TET1: variants seen among roughly 807,000 people sequenced by gnomAD.
TET1 encodes the protein methylcytosine dioxygenase TET1.
TET1 carries 13 observed loss-of-function variants against 148.7 expected under a neutral mutation model. The ratio of observed to expected loss-of-function variants is 0.09; its 90% CI spans 0.06 to 0.14. The LOEUF (loss-of-function observed/expected upper bound fraction) is 0.14. Among genes scored for constraint, TET1 ranks in the 10% least tolerant of loss-of-function variants. TET1 has a pLI of 1.00. For synonymous variants in TET1, 907 were observed against 937.2 expected (o/e 0.97, Z 0.59); for missense variants, 2,182 against 2,553.8 (o/e 0.85, Z 3.14).
At chr10:68,669,046 G>A (rs1451593738) in intron 7 of TET1, among the ~76,000 whole-genome samples, 1 of 151,894 alleles carries the variant, frequency 6.6e-6, no homozygotes, top group Non-Finnish European at 1.5e-5. Flanking sequence ...CAAAGCAGGA[G>A]GATTTCTTGA....
chr10:68,595,928 A>ATG (rs2053974403), intron 2 of TET1, among the ~76,000 whole-genome samples: 1 of 22,116 alleles, frequency 4.5e-5, no homozygotes, highest in Non-Finnish European at 1.1e-4. Flanking sequence ...ACATATATAT[A>ATG]TATATATATA....
intron 3 of TET1, 92 bp downstream of exon 3, chr10:68,601,126 T>A: frequency 4.5e-6 from 5 of 1,112,294 alleles, no homozygotes; most frequent in Non-Finnish European, 6.5e-6. Context: ...ACAGTATATG[T>A]GAATTCTCCC....
At chr10:68,639,417 G>A (rs965546058) in intron 3 of TET1, among the ~76,000 whole-genome samples, 9 of 150,134 alleles carry the variant, frequency 6.0e-5, no homozygotes, top group Middle Eastern at 3.5e-3. Context: ...GCAAGACTCC[G>A]TCTCAAAGAT....
At chr10:68,600,515 G>T (rs1387655939) in intron 2 of TET1, among the ~76,000 whole-genome samples, 1 of 152,176 alleles carries the variant, frequency 6.6e-6, no homozygotes, top group Non-Finnish European at 1.5e-5. Flanking sequence ...GATCACTTTG[G>T]AGTTGCTAAG....
At chr10:68,649,124 T>C (rs553257665) in intron 4 of TET1, among the ~76,000 whole-genome samples, 2 of 152,332 alleles carry the variant, frequency 1.3e-5, no homozygotes, top group South Asian at 4.1e-4. Context: ...TTGCCTTGAC[T>C]TGTTATTTTC....
chr10:68,620,618 AG>A (rs1801009992), intron 3 of TET1, among the ~76,000 whole-genome samples: 3 of 152,186 alleles, frequency 2.0e-5, no homozygotes, highest in Admixed American at 2.0e-4. Flanking sequence ...ACTACTATGA[AG>A]AATCCTGCTA....
intron 6 of TET1, among the ~76,000 whole-genome samples, chr10:68,655,087 A>C (rs1023074370): frequency 2.0e-5 from 3 of 152,118 alleles, no homozygotes; most frequent in African/African-American, 7.2e-5. Flanking sequence ...TCAAGGTCAC[A>C]GTGTACTATG....
rs369024615 is a variant in TET1, at chr10:68,669,608, C to A, written c.4673+2352C>A. On this transcript the variant is annotated intron_variant, in intron 7 of 11. Transcript: ENST00000373644. ...TGACCTCGTGATTCGCCCACCTCGG[C>A]CTCCCAAAGTGCTGGGATTACAGGC... Among the ~76,000 whole-genome samples the A allele has an allele frequency of 5.2e-3, 788 of 151,420 alleles. 16 individuals are homozygous for A. The highest frequency in any genetic ancestry group is 0.018 in the African/African-American group (746 of 41,256).
chr10:68,628,439 C>T (rs1251386960), intron 3 of TET1, among the ~76,000 whole-genome samples: 2 of 152,164 alleles, frequency 1.3e-5, no homozygotes, highest in Non-Finnish European at 2.9e-5. Flanking sequence ...TATCAAAGTT[C>T]ATCCTTAGAT....
intron 1 of TET1, among the ~76,000 whole-genome samples, chr10:68,571,562 G>A (rs1036046074): frequency 6.6e-6 from 1 of 151,344 alleles, no homozygotes; most frequent in African/African-American, 2.4e-5. Context: ...CACTGCGCCT[G>A]GCAATTTTTG....
At chr10:68,619,237 TTC>T (rs1336707850) in intron 3 of TET1, among the ~76,000 whole-genome samples, 1 of 152,088 alleles carries the variant, frequency 6.6e-6, no homozygotes, top group African/African-American at 2.4e-5. Context: ...CCTTCCGTTA[TTC>T]TCTTTTTTTG....
In TET1 at chr10:68,646,399, G is replaced by C; in HGVS notation, c.3670G>C (p.Ala1224Pro). 1.2e-6 allele frequency: 2 copies of C among 1,614,062 alleles called. No individual in the cohort carries two copies. Among genetic ancestry groups the C allele is most frequent in the Admixed American group, 1.7e-5 (1 of 60,016 alleles). ...SSSTKIWKPL[A>P]QTRSIMQPKT... is the part of the protein sequence containing the mutation. ...CTCGACCAAAATATGGAAACCACTG[G>C]CTCAAACGAGGTCCATTATGCAACC... Residue 1224 changes from alanine to proline, a missense_variant, in exon 4 of 12, where the codon GCT (alanine) becomes CCT (proline). Physicochemically the swap from Ala to Pro is conservative, Grantham distance 27 (BLOSUM62 -1). Around this residue, in one of 11 missense-constraint regions of TET1, gnomAD observed 582 missense variants for 599.5 expected, o/e 0.97. Coordinates refer to ENST00000373644, the MANE Select transcript of TET1 (RefSeq NM_030625.3).
chr10:68,581,157 C>G (rs897879798), intron 2 of TET1, among the ~76,000 whole-genome samples: 4 of 152,116 alleles, frequency 2.6e-5, no homozygotes, highest in Non-Finnish European at 1.5e-5. Context: ...GTCTCCCATT[C>G]TTTAATTGTA....
intron 7 of TET1, among the ~76,000 whole-genome samples, chr10:68,672,632 G>T (rs2055291589): frequency 6.7e-6 from 1 of 149,944 alleles, no homozygotes; most frequent in South Asian, 2.1e-4. Context: ...ATTTGGATTT[G>T]CAATCATGAC....
Position 68,573,897 on chromosome 10 carries a change from A to C in TET1, c.1559A>C (p.Glu520Ala). The change falls in exon 2 of 12, where the codon GAG becomes GCG. Residue 520 changes from glutamate to alanine, a missense_variant. Around this residue, in one of 11 missense-constraint regions of TET1, gnomAD observed 665 missense variants for 672.4 expected, o/e 0.99. Coordinates refer to ENST00000373644, the MANE Select transcript of TET1 (RefSeq NM_030625.3). The part of the protein sequence containing the change: ...ANTQGFPLAP[E>A]RGLFHASLGI... ...ACTCAGGGGTTCCCATTAGCCCCTG[A>C]GAGAGGACTCTTCCATGCTTCACTG... 2 of 1,614,164 alleles carry C rather than the reference A, an allele frequency of 1.2e-6. No individual in the cohort carries two copies. Among genetic ancestry groups the C allele is most frequent in the Non-Finnish European group, 1.7e-6 (2 of 1,180,024 alleles).
At position 68,646,630 on chromosome 10, in the gene TET1, C is replaced by G; in HGVS notation, c.3901C>G (p.Gln1301Glu). ...NANQKAHPLT[Q>E]PSSPPNQCAN... Reference sequence around the variant, plus strand: ...CAATCAGAAAGCCCATCCTTTGACCCAGCCCTCCTCTCCACCTAACCAGTG... The same window carrying G: ...CAATCAGAAAGCCCATCCTTTGACCGAGCCCTCCTCTCCACCTAACCAGTG... Residue 1301 changes from glutamine to glutamate, a missense_variant, in exon 4 of 12, where the codon CAG becomes GAG. This residue lies in a region of TET1 where 582 missense variants were observed against 599.5 expected (regional missense o/e 0.97). Transcript: ENST00000373644. The G allele has an allele frequency of 6.2e-7, 1 of 1,614,112 alleles. No individual in the cohort carries two copies. Among genetic ancestry groups the G allele is most frequent in the Non-Finnish European group, 8.5e-7 (1 of 1,180,010 alleles).
At chr10:68,674,111 A>T (rs2055317963) in intron 8 of TET1, among the ~76,000 whole-genome samples, 1 of 151,012 alleles carries the variant, frequency 6.6e-6, no homozygotes, top group Non-Finnish European at 1.5e-5. Flanking sequence ...ACAGGCATGC[A>T]CCACCATCAT....
intron 3 of TET1, among the ~76,000 whole-genome samples, chr10:68,627,823 C>A (rs952248645): frequency 1.3e-5 from 2 of 151,642 alleles, no homozygotes; most frequent in African/African-American, 2.4e-5. Context: ...GTAATCCCAG[C>A]GACTTGGGAG....
intron 3 of TET1, among the ~76,000 whole-genome samples, chr10:68,610,276 C>T (rs371718395): frequency 1.3e-5 from 2 of 151,808 alleles, no homozygotes; most frequent in South Asian, 2.1e-4. Flanking sequence ...GTGCGAGACT[C>T]TGTCTCAAAA....
Sources: allele counts gnomAD v4.1 joint callset (sites outside exome capture counted in the v4.1 genomes callset), GRCh38; gene constraint gnomAD v4.1.1; regional missense constraint gnomAD v4.1.1; transcripts MANE v1.5; gene names NCBI Gene and HGNC (gene_info 2026-07-23, HGNC 2026-07-21).